The following CLCF1 variants were observed in gnomAD, a reference collection of about 807,000 sequenced individuals.
The protein encoded by CLCF1 is cardiotrophin like cytokine factor 1.
In CLCF1, 10 loss-of-function variants were observed where a neutral mutation model predicts 21.2. The ratio of observed to expected loss-of-function variants is 0.47; its 90% confidence interval spans 0.29 to 0.80. CLCF1 has a LOEUF of 0.80. Among genes scored for constraint, CLCF1 ranks in the 30% least tolerant of loss-of-function variants. CLCF1 has a pLI of 0.09. For synonymous variants in CLCF1, 115 were observed against 120.5 expected (o/e 0.95, Z 0.30); for missense variants, 240 against 293.4 (o/e 0.82, Z 1.33).
At chr11:67,371,436 C>T (rs75848110) in intron 1 of CLCF1, among the ~76,000 whole-genome samples, 4 of 152,240 alleles carry the variant, frequency 2.6e-5, no homozygotes, top group African/African-American at 4.8e-5. Context: ...CCAGCATCCC[C>T]CTTTGTGCCC....
intron 2 of CLCF1, among the ~76,000 whole-genome samples, chr11:67,366,323 C>T (rs536305737): frequency 4.7e-4 from 71 of 152,180 alleles, no homozygotes; most frequent in Admixed American, 4.4e-3. Context: ...GTTTTCTGCA[C>T]AAGGAACAAG....
chr11:67,366,411 G>A (rs1368191180), intron 2 of CLCF1, among the ~76,000 whole-genome samples: 1 of 152,186 alleles, frequency 6.6e-6, no homozygotes, highest in East Asian at 1.9e-4. Flanking sequence ...TGAGGGGCTG[G>A]GGAGAGACGG....
rs188620309 is a variant in CLCF1 at position 67,368,695 on chromosome 11, G to A, written c.17-1069C>T. The stretch of plus-strand genomic sequence containing the variant: ...AAAGTTTCAGATTAGTTTAGACTTG[G>A]GATTTGGTTGATTTAGTGCGGTTGA... On this transcript the variant is annotated intron_variant, in intron 1 of 2. Coordinates refer to ENST00000312438, the MANE Select transcript of CLCF1 (RefSeq NM_013246.3). 3.5e-4 allele frequency: 344 copies of A among 985,262 alleles called. 1 individual carries two copies. In the Middle Eastern group the frequency reaches 0.01, roughly 30 times the overall value. The allele number at this position is 985,262 out of a possible 1,614,324, so 61.0% of individuals were successfully genotyped here. A position where few individuals can be genotyped will look rare whatever the true frequency, so the allele number is the denominator to read the frequency against.
chr11:67,367,990 C>G (rs1249480701), intron 1 of CLCF1: 5 of 984,674 alleles, frequency 5.1e-6, no homozygotes, highest in Non-Finnish European at 6.0e-6. Flanking sequence ...GGTCGACCTG[C>G]CTGTGTTCCA....
Position 67,365,272 on chromosome 11 carries a change from TTC to T in CLCF1, c.540_541del (p.Lys181AspfsTer63), listed in dbSNP as rs1191374244. On this transcript the variant is annotated frameshift_variant, in exon 3 of 3. Transcript: ENST00000312438. LOFTEE classifies it high-confidence loss of function. This position sits in a 1 kb window ranked among gnomAD's most constrained non-coding sequence, Gnocchi z 5.0. ...CTTCAGCAGCCAGAAGTCGTCCATC[TTC>T]TGGAGGAAGTCACTGTGGGCAGGGC... 6.2e-7 allele frequency: 1 copy of T among 1,613,960 alleles called. No individual in the cohort carries two copies. The highest frequency in any genetic ancestry group is 1.3e-5 in the African/African-American group (1 of 75,062).
chr11:67,364,916 A>G lies in CLCF1; in HGVS notation c.*220T>C. ...CTCGAGCATGACTTCCTGTAGAAAC[A>G]GGACAGGACAGGGCCTACTGTACCT... On this transcript the variant is annotated 3_prime_UTR_variant, in exon 3 of 3. Transcript: ENST00000312438. The G allele has an allele frequency of 3.0e-6, 2 of 659,602 alleles. No individual in the cohort carries two copies. The highest frequency in any genetic ancestry group is 5.0e-6 in the Non-Finnish European group (2 of 399,470). 40.9% of individuals were successfully genotyped at this position (659,602 alleles called of 1,614,324 possible). A position where few individuals can be genotyped will look rare whatever the true frequency, so the allele number is the denominator to read the frequency against.
Position 67,370,195 on chromosome 11 carries a change from A to AT in CLCF1, c.17-2570_17-2569insA, listed in dbSNP as rs1862198733. On this transcript the variant is annotated intron_variant, in intron 1 of 2. Coordinates refer to ENST00000312438, the MANE Select transcript of CLCF1 (RefSeq NM_013246.3). ...GCAAAGCCATGCCCGTGTCTCAGGC[A>AT]GCAGGAGGGAAAGCAGCGTGGGGTG... 3.0e-6 allele frequency: 3 copies of AT among 985,316 alleles called. No homozygotes were observed. The East Asian group carries it at 3.4e-4, about 112-fold the overall frequency. 61.0% of individuals were successfully genotyped at this position (985,316 alleles called of 1,614,324 possible).
upstream of CLCF1, chr11:67,373,727 T>TTC (rs1310114093): frequency 1.7e-6 from 2 of 1,211,584 alleles, no homozygotes; most frequent in Non-Finnish European, 2.1e-6. Context: ...TTTTTTTTTT[T>TTC]TCTGACGTGT....
Position 67,364,826 on chromosome 11 carries a change from A to T in CLCF1, c.*310T>A. 2.8e-6 allele frequency: 1 copy of T among 355,396 alleles called. No homozygotes were observed. The highest frequency in any genetic ancestry group is 3.5e-5 in the South Asian group (1 of 28,638). The allele number at this position is 355,396 out of a possible 1,614,324, so 22.0% of individuals were successfully genotyped here. A position where few individuals can be genotyped will look rare whatever the true frequency, so the allele number is the denominator to read the frequency against. On this transcript the variant is annotated 3_prime_UTR_variant, in exon 3 of 3. Coordinates refer to ENST00000312438, the MANE Select transcript of CLCF1 (RefSeq NM_013246.3). ...CTGAGGGGCTGGGTGGGCACTGGCC[A>T]AGTGGTAGGCAAGAAGCAGGAGGCC...
chr11:67,369,445 CT>C (rs2134889685), intron 1 of CLCF1: 1 of 985,440 alleles, frequency 1.0e-6, no homozygotes, highest in East Asian at 1.1e-4. Flanking sequence ...CTCCTGGACG[CT>C]GCTTTCCTCA....
rs1862062477 is a variant in CLCF1 at position 67,364,790 on chromosome 11, A to C, written c.*346T>G. The C allele has an allele frequency of 3.3e-6, 1 of 302,184 alleles. No homozygotes were observed. The highest frequency in any genetic ancestry group is 6.3e-6 in the Non-Finnish European group (1 of 157,810). 18.7% of individuals were successfully genotyped at this position (302,184 alleles called of 1,614,324 possible). On this transcript the variant is annotated 3_prime_UTR_variant, in exon 3 of 3. Transcript: ENST00000312438. ...GGTGGCCCCTCAACCCCTGCCCTCC[A>C]GATGTGCCACCTGAGGGGCTGGGTG...
rs1174672659 is a variant in CLCF1 at position 67,372,053 on chromosome 11, G to A, written c.16+1471C>T. Among the ~76,000 whole-genome samples the A allele has an allele frequency of 6.6e-6, 1 of 152,156 alleles. No individual in the cohort carries two copies. On this transcript the variant is annotated intron_variant, in intron 1 of 2. Transcript: ENST00000312438. The surrounding 1 kb of genome is among the most constrained non-coding windows in gnomAD (Gnocchi z 5.9). ...CAGGAGCGCGTCTGGTCTGTTAGGGGAATATGTACTCGCATCCTGTCCGGT... is the reference window on the plus strand; with the variant it reads ...CAGGAGCGCGTCTGGTCTGTTAGGGAAATATGTACTCGCATCCTGTCCGGT...
At chr11:67,367,675 G>A (rs1304297768) in intron 1 of CLCF1, 49 bp from the exon 2 acceptor site, 7 of 1,592,194 alleles carry the variant, frequency 4.4e-6, no homozygotes, top group Non-Finnish European at 6.0e-6. Flanking sequence ...GGCCCACACG[G>A]GGAAGCAGCT....
At chr11:67,368,604 A>C in intron 1 of CLCF1, 3 of 985,428 alleles carry the variant, frequency 3.0e-6, no homozygotes, top group Non-Finnish European at 3.6e-6. Flanking sequence ...AAAGGCAGTT[A>C]GGGTTTGGCT....
chr11:67,370,662 G>T (rs1862212987), intron 1 of CLCF1: 1 of 984,824 alleles, frequency 1.0e-6, no homozygotes, highest in Non-Finnish European at 1.2e-6. Flanking sequence ...GAAGTGACTG[G>T]CCACCCAGAC....
At chr11:67,370,449 CTGAT>C in intron 1 of CLCF1, 1 of 984,842 alleles carries the variant, frequency 1.0e-6, no homozygotes, top group Non-Finnish European at 1.2e-6. Flanking sequence ...CTGCTGCCCA[CTGAT>C]TGTTTACATC....
chr11:67,366,589 C>T (rs1158696180), intron 2 of CLCF1, among the ~76,000 whole-genome samples: 2 of 151,932 alleles, frequency 1.3e-5, no homozygotes, highest in Non-Finnish European at 2.9e-5. Flanking sequence ...GGCTGGGGCC[C>T]AGGGAAAGGG....
At position 67,372,308 on chromosome 11, in the gene CLCF1, A is replaced by T. The variant is rs79890820; in HGVS notation, c.16+1216T>A. 0.085 allele frequency among the ~76,000 whole-genome samples: 12,928 copies of T among 151,800 alleles called. 749 individuals carry two copies. Among genetic ancestry groups the T allele is most frequent in the African/African-American group, 0.16 (6,583 of 41,434 alleles). ...GAGGGCCAGGCTGGGAGCTGGGGGA[A>T]CAGGGGTCCTCTGGGATTGGGAGGG... On this transcript the variant is annotated intron_variant, in intron 1 of 2. Transcript: ENST00000312438. This position sits in a 1 kb window ranked among gnomAD's most constrained non-coding sequence, Gnocchi z 5.9.
At chr11:67,367,378 C>T (rs752486725) in intron 2 of CLCF1, 82 bp downstream of exon 2, 16 of 1,606,518 alleles carry the variant, frequency 1.0e-5, no homozygotes, top group Non-Finnish European at 1.4e-5. Flanking sequence ...CCATCATTTA[C>T]CAGAACCCTC....
Sources: allele counts gnomAD v4.1 joint callset (sites outside exome capture counted in the v4.1 genomes callset), GRCh38; gene constraint gnomAD v4.1.1; non-coding constraint Gnocchi (gnomAD v3.1); transcripts MANE v1.5; gene names NCBI Gene and HGNC (gene_info 2026-07-23, HGNC 2026-07-21).